The following TSPAN5 variants were observed in gnomAD, a reference collection of about 807,000 sequenced individuals.
TSPAN5 encodes tetraspanin 5, also known as tetraspanin-5.
A neutral mutation model predicts 37.1 loss-of-function variants in TSPAN5; 10 were observed. The observed-to-expected ratio is 0.27, with a 90% CI of 0.17 to 0.46. The LOEUF is 0.46. Ranked by LOEUF, TSPAN5 falls within the 20% of genes least tolerant of loss-of-function variation. TSPAN5 has a pLI of 1.00. For missense variants in TSPAN5, 195 were observed against 326.6 expected (o/e 0.60, Z 3.11); for synonymous variants, 110 against 118.9 (o/e 0.93, Z 0.48).
intron 1 of TSPAN5, among the ~76,000 whole-genome samples, chr4:98,602,387 A>T (rs781305156): frequency 2.0e-5 from 3 of 152,374 alleles, no homozygotes; most frequent in Admixed American, 6.5e-5. Context: ...GTCTGATACG[A>T]TCACTATTGG....
rs1040370213 is a variant in TSPAN5, at chr4:98,471,804, C to T, written c.*718G>A. The T allele has an allele frequency of 3.3e-5, 5 of 152,210 alleles. No homozygotes were observed. The highest frequency in any genetic ancestry group is 1.2e-4 in the African/African-American group (5 of 41,446). 9.4% of individuals were successfully genotyped at this position (152,210 alleles called of 1,614,324 possible). ...CCTTGAATTTCACTGATAAACAAAGCTCAGGTCTACTTAGAAAAACGATCA... is the reference window on the plus strand; with the variant it reads ...CCTTGAATTTCACTGATAAACAAAGTTCAGGTCTACTTAGAAAAACGATCA... On this transcript the variant is annotated 3_prime_UTR_variant, in exon 8 of 8. Transcript: ENST00000305798.
chr4:98,548,973 T>C (rs1451991332), intron 1 of TSPAN5, among the ~76,000 whole-genome samples: 1 of 152,086 alleles, frequency 6.6e-6, no homozygotes, highest in Non-Finnish European at 1.5e-5. Flanking sequence ...CTTAGGTTGA[T>C]TTCATATCTT....
At chr4:98,497,316 CAAA>C (rs398051229) in intron 2 of TSPAN5, among the ~76,000 whole-genome samples, 8,560 of 101,760 alleles carry the variant, frequency 0.084, 368 homozygotes, top group Admixed American at 0.15. Context: ...GACTCCATCT[CAAA>C]AAAAAAAAAA....
chr4:98,549,454 C>G (rs1019808341), intron 1 of TSPAN5, among the ~76,000 whole-genome samples: 4 of 151,964 alleles, frequency 2.6e-5, no homozygotes, highest in African/African-American at 9.7e-5. Flanking sequence ...AGGTGCCCTA[C>G]GCCCAGCTAG....
intron 1 of TSPAN5, among the ~76,000 whole-genome samples, chr4:98,643,505 C>T (rs1757001280): frequency 6.6e-6 from 1 of 152,104 alleles, no homozygotes; most frequent in Admixed American, 6.6e-5. Flanking sequence ...AAGTGGAATA[C>T]ATATGTATAT....
At chr4:98,587,169 G>A (rs1755509435) in intron 1 of TSPAN5, among the ~76,000 whole-genome samples, 1 of 152,346 alleles carries the variant, frequency 6.6e-6, no homozygotes, top group African/African-American at 2.4e-5. Context: ...CCAAAGAAGG[G>A]CATTCATAAC....
chr4:98,556,049 A>C (rs191972402), intron 1 of TSPAN5, among the ~76,000 whole-genome samples: 5,061 of 39,606 alleles, frequency 0.13, 542 homozygotes, highest in African/African-American at 0.19. Context: ...CCCCACACAC[A>C]CACACACACA....
intron 1 of TSPAN5, among the ~76,000 whole-genome samples, chr4:98,595,719 G>A (rs1432233816): frequency 8.8e-6 from 1 of 113,740 alleles, no homozygotes; most frequent in Admixed American, 9.2e-5. Flanking sequence ...GGAGCAGGTT[G>A]TTCAGTTTCC....
intron 3 of TSPAN5, 108 bp downstream of exon 3, chr4:98,486,630 G>T (rs1752964740): frequency 1.6e-6 from 2 of 1,264,224 alleles, no homozygotes; most frequent in South Asian, 1.2e-5. Context: ...GCCCTACTTT[G>T]GCCAGTGCCT....
chr4:98,542,523 C>A (rs191569167), intron 1 of TSPAN5, among the ~76,000 whole-genome samples: 1 of 151,714 alleles, frequency 6.6e-6, no homozygotes, highest in African/African-American at 2.4e-5. Flanking sequence ...CAAGACCAGC[C>A]GAGGTAAAAC....
intron 1 of TSPAN5, among the ~76,000 whole-genome samples, chr4:98,656,035 A>G (rs1327941460): frequency 6.6e-6 from 1 of 152,204 alleles, no homozygotes; most frequent in Non-Finnish European, 1.5e-5. Flanking sequence ...CAGCTAGTTT[A>G]GTCCCATAGC....
At chr4:98,474,630 G>A (rs1267698537) in intron 7 of TSPAN5, among the ~76,000 whole-genome samples, 1 of 151,986 alleles carries the variant, frequency 6.6e-6, no homozygotes, top group Non-Finnish European at 1.5e-5. Flanking sequence ...TTACAGGCAT[G>A]AGCCACTGCA....
At position 98,478,650 on chromosome 4, in the gene TSPAN5, C is replaced by G. The variant is rs140960443; in HGVS notation, c.576+35G>C. The G allele has an allele frequency of 5.2e-3, 8,348 of 1,613,842 alleles. 16 individuals carry two copies. The highest frequency in any genetic ancestry group is 6.6e-3 in the Non-Finnish European group (7,795 of 1,179,814). ...CCATGCACACTCTCGGCATGATGTA[C>G]AGAGTAGGCCAATAGTTCGCTGGCA... is the stretch of plus-strand genomic sequence containing the variant. On this transcript the variant is annotated intron_variant, in intron 5 of 7. Coordinates refer to ENST00000305798, the MANE Select transcript of TSPAN5 (RefSeq NM_005723.4).
At chr4:98,639,250 A>T (rs1756916803) in intron 1 of TSPAN5, among the ~76,000 whole-genome samples, 1 of 152,214 alleles carries the variant, frequency 6.6e-6, no homozygotes, top group Non-Finnish European at 1.5e-5. Context: ...CAAAAGCAGC[A>T]GTACATGCCT....
chr4:98,592,677 A>G (rs1755676543), intron 1 of TSPAN5, among the ~76,000 whole-genome samples: 1 of 145,426 alleles, frequency 6.9e-6, no homozygotes, highest in African/African-American at 2.5e-5. Flanking sequence ...ATGAGTGAGA[A>G]TATGCGGTGT....
intron 1 of TSPAN5, among the ~76,000 whole-genome samples, chr4:98,631,991 A>G (rs962008709): frequency 6.6e-6 from 1 of 152,190 alleles, no homozygotes; most frequent in Admixed American, 6.5e-5. Flanking sequence ...TGCACAGATC[A>G]TCTGTGTGCC....
intron 1 of TSPAN5, among the ~76,000 whole-genome samples, chr4:98,633,743 T>C (rs1254865645): frequency 6.6e-6 from 1 of 152,106 alleles, no homozygotes; most frequent in African/African-American, 2.4e-5. Context: ...ACTCTGCCCA[T>C]CCTCTTTTGT....
intron 1 of TSPAN5, among the ~76,000 whole-genome samples, chr4:98,568,138 G>A (rs1419643301): frequency 5.9e-5 from 9 of 152,164 alleles, no homozygotes; most frequent in Admixed American, 1.3e-4. Context: ...ACAATCCTAT[G>A]AGATAGGCAA....
intron 1 of TSPAN5, among the ~76,000 whole-genome samples, chr4:98,616,964 C>T (rs1579033112): frequency 6.6e-6 from 1 of 151,138 alleles, no homozygotes; most frequent in South Asian, 2.1e-4. Context: ...GCTGGGACTA[C>T]AAGTGTGCAC....
Sources: gnomAD v4.1 joint callset for allele counts (sites outside exome capture counted in the v4.1 genomes callset) on GRCh38, gnomAD v4.1.1 for gene constraint, MANE v1.5 for transcripts, NCBI Gene and HGNC (gene_info 2026-07-23, HGNC 2026-07-21) for gene names.